PTPRG: variants seen among roughly 807,000 people sequenced by gnomAD.
PTPRG encodes the protein receptor-type tyrosine-protein phosphatase gamma.
Under a neutral mutation model 165.3 loss-of-function variants are expected in PTPRG, and 102 were observed. That is an observed-to-expected ratio of 0.62 (90% confidence interval 0.53 to 0.73). The LOEUF is 0.73. PTPRG is among the 30% of genes least tolerant of loss of function. The pLI, the probability that PTPRG is intolerant of heterozygous loss-of-function variation, is 0.00. For synonymous variants in PTPRG, 675 were observed against 669.5 expected, an observed-to-expected ratio of 1.01 and a Z score of -0.13; for missense variants, 1,866 against 1,861.4, an observed-to-expected ratio of 1.00 and a Z score of -0.05.
intron 1 of PTPRG, among the ~76,000 whole-genome samples, chr3:61,562,727 G>T (rs550334264): frequency 6.6e-6 from 1 of 152,246 alleles, no homozygotes; most frequent in African/African-American, 2.4e-5. Flanking sequence ...GGGCGGTTGG[G>T]GAGACTGAGG....
intron 2 of PTPRG, among the ~76,000 whole-genome samples, chr3:61,773,410 C>G (rs906171839): frequency 6.6e-6 from 1 of 152,014 alleles, no homozygotes; most frequent in Non-Finnish European, 1.5e-5. Flanking sequence ...TAAAAGATTC[C>G]AATTTGATAG....
At chr3:61,813,982 C>T (rs1447559705) in intron 2 of PTPRG, among the ~76,000 whole-genome samples, 1 of 150,500 alleles carries the variant, frequency 6.6e-6, no homozygotes, top group Non-Finnish European at 1.5e-5. Context: ...CTCACTGCAA[C>T]CTTGGTCTCC....
intron 2 of PTPRG, among the ~76,000 whole-genome samples, chr3:61,772,058 T>TAA (rs71100977): frequency 0.012 from 807 of 64,736 alleles, 15 homozygotes; most frequent in Non-Finnish European, 0.016. Context: ...AGACTCTGTC[T>TAA]AAAAAAAAAA....
chr3:61,901,690 C>A (rs1258786211), intron 2 of PTPRG, among the ~76,000 whole-genome samples: 1 of 152,160 alleles, frequency 6.6e-6, no homozygotes, highest in East Asian at 1.9e-4. Context: ...AGCTTTAGAG[C>A]CTTTTCACAC....
chr3:61,994,715 A>C (rs1406233149), intron 3 of PTPRG, among the ~76,000 whole-genome samples: 4 of 152,240 alleles, frequency 2.6e-5, no homozygotes, highest in Non-Finnish European at 4.4e-5. Context: ...TAATGAACAA[A>C]CTAATTGCAA....
chr3:61,663,533 A>G (rs1702725254), intron 1 of PTPRG, among the ~76,000 whole-genome samples: 1 of 152,102 alleles, frequency 6.6e-6, no homozygotes, highest in African/African-American at 2.4e-5. Context: ...GTTTTGTGGA[A>G]GACAATTTTT....
chr3:62,045,451 G>A lies in PTPRG; in HGVS notation c.520-32712G>A, dbSNP rs182825312. Among the ~76,000 whole-genome samples, 605 of 152,214 alleles carry A rather than the reference G, an allele frequency of 4.0e-3. 2 individuals carry two copies. The highest frequency in any genetic ancestry group is 0.014 in the African/African-American group (562 of 41,522). On this transcript the variant is annotated intron_variant, in intron 4 of 29. Transcript: ENST00000474889. ...AGGAAACAAATGCAGTTTTCTCCTC[G>A]CTGTACATTTTTTCCCCTTTTAGTT...
intron 5 of PTPRG, among the ~76,000 whole-genome samples, chr3:62,081,947 A>G (rs1701597787): frequency 6.6e-6 from 1 of 152,208 alleles, no homozygotes; most frequent in African/African-American, 2.4e-5. Context: ...TGTGTTAAGC[A>G]TAATAAACAC....
rs114501371 is a variant in PTPRG, at chr3:61,890,533, G to T, written c.191-99092G>T. On this transcript the variant is annotated intron_variant, in intron 2 of 29. Transcript: ENST00000474889. The stretch of plus-strand genomic sequence containing the variant: ...CCTGGAAGCTTTGGCAACAACAAAA[G>T]AACAAACATTCCTTGAAGCAGCTAT... Among the ~76,000 whole-genome samples, 1,207 of 149,292 alleles carry T rather than the reference G, an allele frequency of 8.1e-3. 12 individuals carry two copies. The highest frequency in any genetic ancestry group is 0.026 in the African/African-American group (1,044 of 40,044).
At chr3:62,172,504 T>C (rs1705253826) in intron 8 of PTPRG, among the ~76,000 whole-genome samples, 1 of 152,182 alleles carries the variant, frequency 6.6e-6, no homozygotes, top group African/African-American at 2.4e-5. Context: ...TGACTGATGA[T>C]CTCCCTGTTT....
chr3:62,271,265 G>C lies in PTPRG; in HGVS notation c.3010-118G>C. 1 of 850,708 alleles carries C rather than the reference G, an allele frequency of 1.2e-6. No homozygotes were observed. The highest frequency in any genetic ancestry group is 1.8e-6 in the Non-Finnish European group (1 of 566,832). The allele number at this position is 850,708 out of a possible 1,614,324, so 52.7% of individuals were successfully genotyped here. The stretch of plus-strand genomic sequence containing the variant: ...GCTACAAGGGGGAATAACCTAGCCT[G>C]GGAACAGTGATTAGGGTGAATGTGA... On this transcript the variant is annotated intron_variant, in intron 20 of 29. Transcript: ENST00000474889. This position sits in a 1 kb window ranked among gnomAD's most constrained non-coding sequence, Gnocchi z 4.1.
chr3:61,814,729 C>A (rs572756029), intron 2 of PTPRG, among the ~76,000 whole-genome samples: 1 of 151,244 alleles, frequency 6.6e-6, no homozygotes, highest in East Asian at 1.9e-4. Context: ...ATTGCTCTTG[C>A]TTTCTATCTT....
chr3:61,841,729 G>T (rs185395664), intron 2 of PTPRG, among the ~76,000 whole-genome samples: 144 of 152,264 alleles, frequency 9.5e-4, no homozygotes, highest in African/African-American at 3.4e-3. Flanking sequence ...TACTACTGTG[G>T]AATAGTAAAG....
intron 12 of PTPRG, among the ~76,000 whole-genome samples, chr3:62,216,023 G>A (rs746672645): frequency 2.6e-5 from 4 of 152,110 alleles, no homozygotes; most frequent in Non-Finnish European, 4.4e-5. Context: ...TTTGAGGGCA[G>A]CCTGAGCAAC....
At chr3:61,655,631 T>C (rs1702489204) in intron 1 of PTPRG, among the ~76,000 whole-genome samples, 1 of 152,148 alleles carries the variant, frequency 6.6e-6, no homozygotes, top group African/African-American at 2.4e-5. Context: ...AGGGTCTTAC[T>C]TTGTCACCCA....
At chr3:61,841,399 T>C (rs2036629103) in intron 2 of PTPRG, among the ~76,000 whole-genome samples, 1 of 152,224 alleles carries the variant, frequency 6.6e-6, no homozygotes, top group Admixed American at 6.5e-5. Context: ...TTGTGAGGTT[T>C]CTTGTTTCTT....
chr3:61,997,421 G>A (rs939211692), intron 3 of PTPRG, among the ~76,000 whole-genome samples: 1 of 152,094 alleles, frequency 6.6e-6, no homozygotes, highest in African/African-American at 2.4e-5. Context: ...CTCTGTCCTC[G>A]TGTCCCATCC....
At chr3:61,838,432 C>G (rs777470967) in intron 2 of PTPRG, among the ~76,000 whole-genome samples, 3 of 152,160 alleles carry the variant, frequency 2.0e-5, no homozygotes, top group Non-Finnish European at 2.9e-5. Context: ...TTTAACCTCC[C>G]TGAAGTTTCA....
intron 4 of PTPRG, among the ~76,000 whole-genome samples, chr3:62,036,249 G>T (rs1699932209): frequency 6.6e-6 from 1 of 152,164 alleles, no homozygotes; most frequent in African/African-American, 2.4e-5. Flanking sequence ...AGGCCTTGAA[G>T]GAGGTGACTC....
Sources: gnomAD v4.1 joint callset for allele counts (sites outside exome capture counted in the v4.1 genomes callset) on GRCh38, gnomAD v4.1.1 for gene constraint, Gnocchi (gnomAD v3.1) non-coding constraint, MANE v1.5 for transcripts, NCBI Gene and HGNC (gene_info 2026-07-23, HGNC 2026-07-21) for gene names.